Variants in NPAS3 observed in about 807,000 individuals in gnomAD.
The protein encoded by NPAS3 is neuronal PAS domain protein 3, also known as neuronal PAS domain-containing protein 3.
NPAS3 carries 14 observed loss-of-function variants against 73.1 expected under a neutral mutation model. The observed-to-expected ratio is 0.19, with a 90% CI of 0.13 to 0.30. NPAS3 has a LOEUF of 0.30. NPAS3 is among the 10% of genes least tolerant of loss of function. The probability of loss-of-function intolerance (pLI) is 1.00; values close to 1 mark genes in which losing one functional copy is unlikely to be tolerated. For missense variants in NPAS3, 1,096 were observed against 1,250.0 expected (o/e 0.88, Z 1.86); for synonymous variants, 620 against 541.5 (o/e 1.14, Z -2.01).
intron 2 of NPAS3, among the ~76,000 whole-genome samples, chr14:33,127,817 GAATTCAGTAA>G (rs986967676): frequency 1.3e-5 from 2 of 152,104 alleles, no homozygotes; most frequent in Non-Finnish European, 2.9e-5. Context: ...ACACTCTTCT[GAATTCAGTAA>G]AATACATTTC....
intron 2 of NPAS3, among the ~76,000 whole-genome samples, chr14:33,177,939 C>T (rs1025421792): frequency 1.3e-5 from 2 of 152,130 alleles, no homozygotes; most frequent in African/African-American, 4.8e-5. Flanking sequence ...ATGTGCAACT[C>T]CTTCAAATGT....
At chr14:33,700,696 T>C (rs1595464892) in intron 6 of NPAS3, among the ~76,000 whole-genome samples, 1 of 152,224 alleles carries the variant, frequency 6.6e-6, no homozygotes, top group East Asian at 1.9e-4. Context: ...ATGTTTTAGC[T>C]AGTTAATAAA....
At chr14:33,766,737 T>G (rs139199860) in intron 7 of NPAS3, among the ~76,000 whole-genome samples, 250 of 152,268 alleles carry the variant, frequency 1.6e-3, no homozygotes, top group African/African-American at 5.8e-3. Context: ...ACTTCCTGAG[T>G]TGATAGCCAT....
chr14:33,772,899 T>C (rs1462349615), intron 7 of NPAS3, among the ~76,000 whole-genome samples: 10 of 152,082 alleles, frequency 6.6e-5, no homozygotes, highest in Non-Finnish European at 1.5e-4. Context: ...GCTGCTGAAA[T>C]AACCTAAATA....
At chr14:33,499,588 C>T (rs2139899062) in intron 4 of NPAS3, among the ~76,000 whole-genome samples, 1 of 152,034 alleles carries the variant, frequency 6.6e-6, no homozygotes, top group East Asian at 1.9e-4. Flanking sequence ...CCTCCATAAC[C>T]CTGTGCCTAA....
rs559938917 is a variant in NPAS3, at chr14:33,369,224, A to G, written c.468+1956A>G. 5.3e-5 allele frequency among the ~76,000 whole-genome samples: 8 copies of G among 152,196 alleles called. No homozygotes were observed. In the South Asian group the frequency reaches 1.7e-3, roughly 32 times the overall value. Reference sequence around the variant, plus strand: ...CATTCAGACACCACACTATGGTTGCATCAGCTGTCACACCGACCTAGACAG... The same window carrying G: ...CATTCAGACACCACACTATGGTTGCGTCAGCTGTCACACCGACCTAGACAG... On this transcript the variant is annotated intron_variant, in intron 4 of 11. Transcript: ENST00000356141.
At chr14:33,794,169 A>C in intron 10 of NPAS3, 125 bp downstream of exon 10, 9 of 790,224 alleles carry the variant, frequency 1.1e-5, no homozygotes, top group Non-Finnish European at 1.8e-5. Flanking sequence ...GTGGAATTTC[A>C]TGGCAATTCT....
chr14:32,995,035 C>T (rs780993233), intron 1 of NPAS3, among the ~76,000 whole-genome samples: 27 of 152,036 alleles, frequency 1.8e-4, no homozygotes, highest in African/African-American at 4.8e-4. Flanking sequence ...AAGTGGCTCT[C>T]GGGAAATGTT....
At chr14:33,245,033 C>G (rs2048330447) in intron 3 of NPAS3, among the ~76,000 whole-genome samples, 1 of 152,060 alleles carries the variant, frequency 6.6e-6, no homozygotes, top group Non-Finnish European at 1.5e-5. Flanking sequence ...GGTTCCTCAC[C>G]CTGGCAGTTC....
At chr14:33,645,159 C>T (rs941593541) in intron 5 of NPAS3, among the ~76,000 whole-genome samples, 1 of 151,650 alleles carries the variant, frequency 6.6e-6, no homozygotes. Flanking sequence ...TGAGAAATGT[C>T]GAGAGTTGGT....
At chr14:33,563,352 C>G (rs1323158002) in intron 5 of NPAS3, among the ~76,000 whole-genome samples, 1 of 136,582 alleles carries the variant, frequency 7.3e-6, no homozygotes, top group Non-Finnish European at 1.6e-5. Context: ...CGGATTTTCT[C>G]TTTGACTCTC....
chr14:32,950,881 AGTT>A (rs1382931843), intron 1 of NPAS3, among the ~76,000 whole-genome samples: 1 of 152,172 alleles, frequency 6.6e-6, no homozygotes, highest in East Asian at 1.9e-4. Flanking sequence ...CTAGGACAGA[AGTT>A]AGTAGAGAGC....
intron 6 of NPAS3, among the ~76,000 whole-genome samples, chr14:33,678,776 C>A (rs1039122101): frequency 6.7e-6 from 1 of 149,348 alleles, no homozygotes; most frequent in African/African-American, 2.4e-5. Flanking sequence ...AATCCACAGC[C>A]TGTAAACCAG....
At position 33,389,281 on chromosome 14, in the gene NPAS3, TTA is replaced by T. The variant is rs548814923; in HGVS notation, c.468+22019_468+22020del. ...CATCGCGACTGCTTTGTTTTGGAAA[TTA>T]TATATGTTTCCTTTAAGGTATTTTT... is the stretch of plus-strand genomic sequence containing the variant. On this transcript the variant is annotated intron_variant, in intron 4 of 11. Coordinates refer to ENST00000356141, the Ensembl canonical transcript of NPAS3. Among the ~76,000 whole-genome samples the T allele has an allele frequency of 1.4e-3, 211 of 152,346 alleles. 1 individual carries two copies. The highest frequency in any genetic ancestry group is 5.0e-3 in the African/African-American group (208 of 41,588).
intron 4 of NPAS3, among the ~76,000 whole-genome samples, chr14:33,540,986 C>A (rs181582150): frequency 1.3e-5 from 2 of 151,930 alleles, no homozygotes; most frequent in Non-Finnish European, 2.9e-5. Context: ...TTTTCCCCCC[C>A]AAGTCAGGAT....
intron 7 of NPAS3, among the ~76,000 whole-genome samples, chr14:33,742,591 A>C (rs2061682423): frequency 6.6e-6 from 1 of 152,178 alleles, no homozygotes; most frequent in South Asian, 2.1e-4. Flanking sequence ...CTCCATGTGG[A>C]TGGCTGCTGA....
At chr14:33,776,521 TAAAAAAAAAAAAAAAAAAAA>T (rs552348267) in intron 8 of NPAS3, among the ~76,000 whole-genome samples, 345 of 32,052 alleles carry the variant, frequency 0.011, 4 homozygotes, top group African/African-American at 0.021. Flanking sequence ...TTCTTCCTCT[TAAAAAAAAAAAAAAAAAAAA>T]AAAAAAAAAA....
At chr14:33,011,271 G>A (rs1178278917) in intron 1 of NPAS3, among the ~76,000 whole-genome samples, 1 of 151,922 alleles carries the variant, frequency 6.6e-6, no homozygotes, top group East Asian at 1.9e-4. Context: ...TTTCCAACCC[G>A]CTTATTCAAA....
chr14:33,314,636 T>C (rs571901191), intron 3 of NPAS3, among the ~76,000 whole-genome samples: 1 of 152,160 alleles, frequency 6.6e-6, no homozygotes, highest in Non-Finnish European at 1.5e-5. Flanking sequence ...TATCGATCCA[T>C]ATAATGAATG....
Sources: gnomAD v4.1 joint callset for allele counts (sites outside exome capture counted in the v4.1 genomes callset) on GRCh38, gnomAD v4.1.1 for gene constraint, MANE v1.5 for transcripts, NCBI Gene and HGNC (gene_info 2026-07-23, HGNC 2026-07-21) for gene names.